Variants in CCDC7 observed in about 807,000 individuals in gnomAD.
The protein encoded by CCDC7 is coiled-coil domain containing 7.
In CCDC7, 183 loss-of-function variants were observed where a neutral mutation model predicts 196.9. That is an observed-to-expected ratio of 0.93 (90% CI 0.82 to 1.05). The LOEUF (loss-of-function observed/expected upper bound fraction) is 1.05. CCDC7 is among the 50% of genes least tolerant of loss of function. CCDC7 has a pLI of 0.00. For synonymous variants in CCDC7, 525 were observed against 484.6 expected (o/e 1.08, Z -1.10); for missense variants, 1,540 against 1,482.2 (o/e 1.04, Z -0.64).
intron 21 of CCDC7, among the ~76,000 whole-genome samples, chr10:32,676,286 A>G (rs549126462): frequency 1.3e-5 from 2 of 151,104 alleles, no homozygotes; most frequent in African/African-American, 2.4e-5. Context: ...AACCTAGGCA[A>G]TACCATTCAG....
At chr10:32,848,718 G>A (rs776945679) in exon 39 of CCDC7, 2 of 1,535,526 alleles carry the variant, frequency 1.3e-6, no homozygotes, top group Admixed American at 3.4e-5. Context: ...TGAAAATAAA[G>A]GTAAAGAATT....
intron 28 of CCDC7, among the ~76,000 whole-genome samples, chr10:32,769,604 T>G (rs1427639821): frequency 6.6e-6 from 1 of 152,080 alleles, no homozygotes; most frequent in Non-Finnish European, 1.5e-5. Flanking sequence ...CTACATTAGG[T>G]ATTTCTGCTA....
chr10:32,755,997 A>C (rs760288386), intron 28 of CCDC7, among the ~76,000 whole-genome samples: 32 of 152,222 alleles, frequency 2.1e-4, no homozygotes, highest in Non-Finnish European at 3.5e-4. Context: ...AAGTGGAAGA[A>C]AGGGTATCAG....
At chr10:32,834,832 T>C (rs767120264) in exon 33 of CCDC7, 7 of 1,444,940 alleles carry the variant, frequency 4.8e-6, no homozygotes, top group Non-Finnish European at 6.8e-6. Flanking sequence ...CTTAAAACAC[T>C]TGAAAGGTGT....
At chr10:32,612,945 GT>G (rs1247431990) in intron 18 of CCDC7, among the ~76,000 whole-genome samples, 33 of 152,080 alleles carry the variant, frequency 2.2e-4, no homozygotes, top group Admixed American at 6.5e-4. Flanking sequence ...CATAAAATGA[GT>G]TAGGTGGGAG....
intron 28 of CCDC7, among the ~76,000 whole-genome samples, chr10:32,776,763 A>G (rs2080126749): frequency 6.6e-6 from 1 of 152,230 alleles, no homozygotes; most frequent in African/African-American, 2.4e-5. Context: ...AATAATTAGT[A>G]TGTTAAATTG....
At chr10:32,466,735 C>G (rs2036874076) in intron 5 of CCDC7, among the ~76,000 whole-genome samples, 1 of 152,122 alleles carries the variant, frequency 6.6e-6, no homozygotes, top group South Asian at 2.1e-4. Flanking sequence ...AGTGAACATA[C>G]ACATGTACGT....
At chr10:32,562,905 C>T (rs1039931309) in intron 13 of CCDC7, among the ~76,000 whole-genome samples, 3 of 152,160 alleles carry the variant, frequency 2.0e-5, no homozygotes, top group African/African-American at 7.2e-5. Flanking sequence ...TAGAAAACCC[C>T]ATTGTCTTAG....
At chr10:32,729,202 A>T in intron 27 of CCDC7, 130 bp from the exon 29 acceptor site, 1 of 962,086 alleles carries the variant, frequency 1.0e-6, no homozygotes, top group Non-Finnish European at 1.6e-6. Context: ...TATAAGTAGT[A>T]TCACTGCCTC....
intron 20 of CCDC7, among the ~76,000 whole-genome samples, chr10:32,636,138 G>C (rs1195321102): frequency 6.6e-6 from 1 of 152,172 alleles, no homozygotes; most frequent in African/African-American, 2.4e-5. Flanking sequence ...TATATCATGT[G>C]AAGTGAGACA....
chr10:32,821,015 C>G (rs189950122), intron 31 of CCDC7, among the ~76,000 whole-genome samples: 1 of 152,180 alleles, frequency 6.6e-6, no homozygotes, highest in Non-Finnish European at 1.5e-5. Context: ...AAACTACCAT[C>G]AGAGTGAACA....
intron 21 of CCDC7, among the ~76,000 whole-genome samples, chr10:32,671,938 A>G (rs1032192940): frequency 2.6e-5 from 4 of 152,164 alleles, no homozygotes; most frequent in African/African-American, 9.7e-5. Flanking sequence ...AGTGGCAATG[A>G]CTATTAAAGT....
At chr10:32,506,105 A>G (rs1390149908) in intron 9 of CCDC7, among the ~76,000 whole-genome samples, 275 of 74,578 alleles carry the variant, frequency 3.7e-3, no homozygotes, top group Admixed American at 3.8e-3. Flanking sequence ...CTTCCCAGAC[A>G]GGGCGGCCAG....
At chr10:32,601,606 A>T (rs1012519776) in intron 18 of CCDC7, among the ~76,000 whole-genome samples, 2 of 152,140 alleles carry the variant, frequency 1.3e-5, no homozygotes, top group Non-Finnish European at 2.9e-5. Flanking sequence ...TAGCTAAAGG[A>T]TTGTAAATGC....
At chr10:32,713,646 G>A (rs1311202703) in intron 25 of CCDC7, among the ~76,000 whole-genome samples, 3 of 152,210 alleles carry the variant, frequency 2.0e-5, no homozygotes, top group Admixed American at 1.3e-4. Flanking sequence ...TGCCTGGTGG[G>A]ACCACCATGG....
At chr10:32,875,543 A>G (rs1266059880) in intron 41 of CCDC7, among the ~76,000 whole-genome samples, 1 of 151,916 alleles carries the variant, frequency 6.6e-6, no homozygotes, top group Non-Finnish European at 1.5e-5. Context: ...GTAGCCTTGT[A>G]TCATATCTTG....
At chr10:32,576,127 A>G (rs1013379908) in intron 16 of CCDC7, among the ~76,000 whole-genome samples, 2 of 152,002 alleles carry the variant, frequency 1.3e-5, no homozygotes, top group African/African-American at 2.4e-5. Context: ...CTCCATGGAG[A>G]TGAGCCAGAT....
chr10:32,646,287 TG>T (rs1369300566), intron 20 of CCDC7, among the ~76,000 whole-genome samples: 4 of 152,082 alleles, frequency 2.6e-5, no homozygotes, highest in African/African-American at 4.8e-5. Context: ...TTTGATGCAT[TG>T]TTTTTTTCAT....
At chr10:32,800,533 A>T (rs981660799) in intron 29 of CCDC7, among the ~76,000 whole-genome samples, 45 of 152,244 alleles carry the variant, frequency 3.0e-4, no homozygotes, top group African/African-American at 1.0e-3. Context: ...GATCACAATA[A>T]CATTTTTGAG....
Sources: allele counts gnomAD v4.1 joint callset (sites outside exome capture counted in the v4.1 genomes callset), GRCh38; gene constraint gnomAD v4.1.1; transcripts MANE v1.5; gene names NCBI Gene and HGNC (gene_info 2026-07-23, HGNC 2026-07-21).